The following ANAPC4 variants were observed in gnomAD, a reference collection of about 807,000 sequenced individuals.
ANAPC4 encodes the protein anaphase promoting complex subunit 4.
ANAPC4 carries 63 observed loss-of-function variants against 119.8 expected under a neutral mutation model. The ratio of observed to expected loss-of-function variants is 0.53; its 90% CI spans 0.43 to 0.65. The LOEUF is 0.65. Among genes scored for constraint, ANAPC4 ranks in the 30% least tolerant of loss-of-function variants. The pLI is 0.00. For synonymous variants in ANAPC4, 283 were observed against 318.6 expected, an observed-to-expected ratio of 0.89 and a Z score of 1.19; for missense variants, 716 against 945.1, an observed-to-expected ratio of 0.76 and a Z score of 3.18.
At position 25,396,879 on chromosome 4, in the gene ANAPC4, C is replaced by G. The variant is rs749411755; in HGVS notation, c.1194C>G (p.Leu398=). 1.2e-6 allele frequency: 2 copies of G among 1,612,380 alleles called. No individual in the cohort carries two copies. Among genetic ancestry groups the G allele is most frequent in the South Asian group, 2.2e-5 (2 of 90,588 alleles). Residue 398 remains leucine (L), a synonymous_variant, in exon 16 of 29, where the codon CTC becomes CTG. Transcript: ENST00000315368. ...TAACTGCTGTGGGTTCTTTTATACT[C>G]AAGGCAAATGAACTTCTTCAGTAAG... The part of the protein sequence containing the change: ...EAITAVGSFI[L]KANELLQVID...
chr4:25,390,430 TTTTTTC>T (rs1368820490), intron 8 of ANAPC4, among the ~76,000 whole-genome samples: 1 of 152,200 alleles, frequency 6.6e-6, no homozygotes, highest in Non-Finnish European at 1.5e-5. Flanking sequence ...AGTCAAGTTT[TTTTTTC>T]TTTTTCTTTA....
At chr4:25,388,687 T>C (rs1722174475) in intron 5 of ANAPC4, 30 bp from the exon 6 acceptor site, 2 of 1,590,996 alleles carry the variant, frequency 1.3e-6, no homozygotes, top group East Asian at 4.5e-5. Context: ...ACTAAGAGTA[T>C]TTTTTACCTT....
At chr4:25,394,509 T>TA in intron 12 of ANAPC4, 135 bp downstream of exon 12, 1 of 1,005,986 alleles carries the variant, frequency 9.9e-7, no homozygotes, top group Non-Finnish European at 1.4e-6. Context: ...CATAATGTGT[T>TA]ACATACTTAC....
rs376738115 is a variant in ANAPC4, at chr4:25,402,974, T to C, written c.1218T>C (p.Val406=). 35 of 1,581,242 alleles carry C rather than the reference T, an allele frequency of 2.2e-5. No individual in the cohort carries two copies. The highest frequency in any genetic ancestry group is 2.9e-5 in the Non-Finnish European group (34 of 1,154,622). ...FILKANELLQ[V]IDSSMKNFKA... ...TTTTTTGTTTTTATCTCTTTAGAGT[T>C]ATAGATAGTAGTATGAAAAACTTCA... The change falls in exon 17 of 29, where the codon GTT becomes GTC. Residue 406 remains valine (V), a synonymous_variant. Transcript: ENST00000315368.
chr4:25,413,433 T>C (rs767180206), intron 21 of ANAPC4: 1 of 434,524 alleles, frequency 2.3e-6, no homozygotes, highest in Non-Finnish European at 4.1e-6. Flanking sequence ...GTAAGTGAGA[T>C]TGTTTTTAGT....
chr4:25,397,743 G>GT (rs34051733), intron 16 of ANAPC4, among the ~76,000 whole-genome samples: 9,279 of 139,398 alleles, frequency 0.067, 380 homozygotes, highest in African/African-American at 0.13. Context: ...GCCCTTTATA[G>GT]TTTTTTTTTT....
intron 4 of ANAPC4, among the ~76,000 whole-genome samples, chr4:25,385,541 C>T (rs967248706): frequency 6.6e-6 from 1 of 152,204 alleles, no homozygotes; most frequent in Non-Finnish European, 1.5e-5. Flanking sequence ...TTGATCTGTC[C>T]AGATCACTAA....
chr4:25,389,121 T>TA (rs1722199527), intron 7 of ANAPC4, among the ~76,000 whole-genome samples: 1 of 151,822 alleles, frequency 6.6e-6, no homozygotes, highest in Admixed American at 6.6e-5. Flanking sequence ...CTCCTCCGAG[T>TA]AGCTGGGACT....
At position 25,390,216 on chromosome 4, in the gene ANAPC4, CAG is replaced by C; in HGVS notation, c.597_598del (p.Gly200AspfsTer13). ...GGAATGTTTAAAATTGCTCGAGTCA[CAG>C]GGGTAAGATTTCTTTAACATTTTCT... On this transcript the variant is annotated frameshift_variant and splice_region_variant, in exon 8 of 29. Coordinates refer to ENST00000315368, the MANE Select transcript of ANAPC4 (RefSeq NM_013367.3). LOFTEE classifies it high-confidence loss of function. 1.9e-6 allele frequency: 3 copies of C among 1,607,672 alleles called. No individual in the cohort carries two copies. The highest frequency in any genetic ancestry group is 1.3e-5 in the African/African-American group (1 of 74,828).
intron 14 of ANAPC4, among the ~76,000 whole-genome samples, chr4:25,395,681 C>T (rs28494093): frequency 0.43 from 65,655 of 151,934 alleles, 15,776 homozygotes; most frequent in Non-Finnish European, 0.53. Flanking sequence ...AGCTCCTGAC[C>T]GCAAGTGATC....
chr4:25,400,797 T>C (rs1021929333), intron 16 of ANAPC4, among the ~76,000 whole-genome samples: 28 of 151,918 alleles, frequency 1.8e-4, no homozygotes, highest in African/African-American at 6.8e-4. Context: ...TGGTGAAAGG[T>C]AGTAGAACCA....
At chr4:25,393,436 T>G (rs978623232) in intron 10 of ANAPC4, among the ~76,000 whole-genome samples, 1 of 151,938 alleles carries the variant, frequency 6.6e-6, no homozygotes, top group Non-Finnish European at 1.5e-5. Flanking sequence ...CTGAGGCAGG[T>G]GGATCACTTG....
chr4:25,390,124 G>A lies in ANAPC4; in HGVS notation c.516-12G>A. 6.3e-7 allele frequency: 1 copy of A among 1,593,986 alleles called. No homozygotes were observed. The highest frequency in any genetic ancestry group is 1.1e-5 in the South Asian group (1 of 89,790). On this transcript the variant is annotated splice_polypyrimidine_tract_variant and intron_variant, in intron 7 of 28. Coordinates refer to ENST00000315368, the MANE Select transcript of ANAPC4 (RefSeq NM_013367.3). ...TGATTGGTTCTCAGCTTGTTGCATT[G>A]TTTTTAATTAGGCTTAATATTCTCG... is the stretch of plus-strand genomic sequence containing the variant.
chr4:25,383,723 C>G (rs181715061), intron 4 of ANAPC4, among the ~76,000 whole-genome samples: 9 of 152,182 alleles, frequency 5.9e-5, no homozygotes, highest in Non-Finnish European at 1.3e-4. Context: ...TTTAAATGTG[C>G]AATGACATCA....
intron 4 of ANAPC4, among the ~76,000 whole-genome samples, chr4:25,388,216 A>C (rs1017333623): frequency 6.6e-6 from 1 of 152,242 alleles, no homozygotes; most frequent in Non-Finnish European, 1.5e-5. Context: ...ATCTGAGTAC[A>C]TATGAATGCA....
rs1329496826 is a variant in ANAPC4 at position 25,405,479 on chromosome 4, TTCAG to T, written c.1271-90_1271-87del. The T allele has an allele frequency of 4.4e-6, 5 of 1,134,578 alleles. No homozygotes were observed. The highest frequency in any genetic ancestry group is 1.9e-5 in the Admixed American group (1 of 51,546). 70.3% of individuals were successfully genotyped at this position (1,134,578 alleles called of 1,614,324 possible). On this transcript the variant is annotated intron_variant, in intron 17 of 28. Coordinates refer to ENST00000315368, the MANE Select transcript of ANAPC4 (RefSeq NM_013367.3). The surrounding 1 kb of genome is among the most constrained non-coding windows in gnomAD (Gnocchi z 4.6). The stretch of plus-strand genomic sequence containing the variant: ...AAGCTGTGTAAAATTGAAGATTTAG[TTCAG>T]TCAAACACCTTGTCTTTGAAATGTA...
intron 19 of ANAPC4, 131 bp downstream of exon 19, chr4:25,407,016 C>T (rs1723286885): frequency 3.4e-6 from 3 of 887,456 alleles, no homozygotes; most frequent in Non-Finnish European, 5.1e-6. Flanking sequence ...AACTGTTGAA[C>T]TAATTATGTT....
chr4:25,393,932 G>T, intron 11 of ANAPC4, 41 bp downstream of exon 11: 3 of 1,464,966 alleles, frequency 2.0e-6, no homozygotes, highest in Admixed American at 1.9e-5. Flanking sequence ...GTTAAAGAAT[G>T]CATGATGTAT....
intron 2 of ANAPC4, 109 bp from the exon 3 acceptor site, chr4:25,380,265 G>A: frequency 1.6e-6 from 1 of 634,150 alleles, no homozygotes; most frequent in Non-Finnish European, 2.7e-6. Flanking sequence ...TGATAGCTAA[G>A]TATATATGAG....
Sources: gnomAD v4.1 joint callset for allele counts (sites outside exome capture counted in the v4.1 genomes callset) on GRCh38, gnomAD v4.1.1 for gene constraint, Gnocchi (gnomAD v3.1) non-coding constraint, MANE v1.5 for transcripts, NCBI Gene and HGNC (gene_info 2026-07-23, HGNC 2026-07-21) for gene names.